OXR1: variants seen among roughly 807,000 people sequenced by gnomAD.
OXR1 encodes the protein oxidation resistance protein 1.
A neutral mutation model predicts 104.6 loss-of-function variants in OXR1; 41 were observed. That is an observed-to-expected ratio of 0.39 (90% CI 0.31 to 0.51). The LOEUF (loss-of-function observed/expected upper bound fraction) is 0.51. Among genes scored for constraint, OXR1 ranks in the 20% least tolerant of loss-of-function variants. The pLI is 0.77. For missense variants in OXR1, 955 were observed against 1,031.9 expected, an observed-to-expected ratio of 0.93 and a Z score of 1.02; for synonymous variants, 348 against 348.4, an observed-to-expected ratio of 1.00 and a Z score of 0.01.
At chr8:106,526,126 TTAAG>T (rs1448075497) in intron 3 of OXR1, among the ~76,000 whole-genome samples, 1 of 152,148 alleles carries the variant, frequency 6.6e-6, no homozygotes, top group East Asian at 1.9e-4. Context: ...ATAAAATAGA[TTAAG>T]TGAGAGAGGT....
chr8:106,411,668 G>A (rs893854182), intron 2 of OXR1, among the ~76,000 whole-genome samples: 11 of 152,140 alleles, frequency 7.2e-5, no homozygotes, highest in African/African-American at 2.7e-4. Context: ...GTGATGATAA[G>A]GCCTTGCCTT....
intron 3 of OXR1, among the ~76,000 whole-genome samples, chr8:106,615,970 G>C (rs373448925): frequency 2.6e-5 from 4 of 151,430 alleles, no homozygotes; most frequent in African/African-American, 9.7e-5. Context: ...TCCAGGACTG[G>C]AATAAGCCAT....
At chr8:106,726,051 C>A in intron 11 of OXR1, 1 of 764,200 alleles carries the variant, frequency 1.3e-6, no homozygotes, top group Non-Finnish European at 1.9e-6. Context: ...AGCCTCCACT[C>A]AGGACTATCA....
chr8:106,688,875 G>A (rs1036622965), intron 6 of OXR1, among the ~76,000 whole-genome samples: 11 of 152,070 alleles, frequency 7.2e-5, no homozygotes, highest in African/African-American at 2.4e-4. Context: ...CTACTAGCAA[G>A]TGCAGGTACT....
chr8:106,541,711 A>T (rs1008786041), intron 3 of OXR1, among the ~76,000 whole-genome samples: 2 of 152,172 alleles, frequency 1.3e-5, no homozygotes, highest in Admixed American at 6.6e-5. Context: ...GTGATTAGCT[A>T]TGGAAACAGT....
chr8:106,333,766 A>C (rs1379497879), intron 1 of OXR1, among the ~76,000 whole-genome samples: 1 of 152,080 alleles, frequency 6.6e-6, no homozygotes, highest in Non-Finnish European at 1.5e-5. Flanking sequence ...AATTCAATTG[A>C]CCATGGATAT....
intron 2 of OXR1, among the ~76,000 whole-genome samples, chr8:106,484,155 G>GCA (rs1822304849): frequency 6.6e-6 from 1 of 151,690 alleles, no homozygotes; most frequent in Non-Finnish European, 1.5e-5. Context: ...AAGACTGGGA[G>GCA]AAAATATTTG....
intron 7 of OXR1, chr8:106,697,663 C>G: frequency 6.2e-7 from 1 of 1,614,058 alleles, no homozygotes; most frequent in Non-Finnish European, 8.5e-7. Flanking sequence ...CTTTCCTTCC[C>G]AGAGGTCCAC....
chr8:106,467,660 C>A (rs1364500157), intron 2 of OXR1, among the ~76,000 whole-genome samples: 3 of 151,828 alleles, frequency 2.0e-5, no homozygotes, highest in Non-Finnish European at 4.4e-5. Flanking sequence ...TTGTTCCTGG[C>A]AAATACACTC....
At chr8:106,621,231 C>T (rs746347568) in intron 3 of OXR1, among the ~76,000 whole-genome samples, 4 of 152,096 alleles carry the variant, frequency 2.6e-5, no homozygotes, top group South Asian at 2.1e-4. Flanking sequence ...TACTTAGATT[C>T]CCCACTTCCT....
intron 2 of OXR1, among the ~76,000 whole-genome samples, chr8:106,488,455 T>A (rs555480656): frequency 2.0e-5 from 3 of 151,694 alleles, no homozygotes; most frequent in Non-Finnish European, 4.4e-5. Context: ...ATTTTGTCTT[T>A]TGTTGCCATT....
At chr8:106,419,748 C>T (rs933757832) in intron 2 of OXR1, among the ~76,000 whole-genome samples, 5 of 152,056 alleles carry the variant, frequency 3.3e-5, no homozygotes, top group Non-Finnish European at 5.9e-5. Flanking sequence ...GGATGTTTTT[C>T]TTTGCCAGTC....
At chr8:106,660,005 CCA>C (rs1825596031) in intron 3 of OXR1, among the ~76,000 whole-genome samples, 1 of 152,206 alleles carries the variant, frequency 6.6e-6, no homozygotes, top group Non-Finnish European at 1.5e-5. Context: ...CAAAGTATGA[CCA>C]CAGTCATGTG....
At chr8:106,741,387 A>G (rs1563765243) in intron 14 of OXR1, among the ~76,000 whole-genome samples, 1 of 152,162 alleles carries the variant, frequency 6.6e-6, no homozygotes, top group Non-Finnish European at 1.5e-5. Flanking sequence ...GATGAGAGGA[A>G]GCACAAAGAG....
At chr8:106,729,943 A>G (rs1833721803) in intron 11 of OXR1, 1 of 151,782 alleles carries the variant, frequency 6.6e-6, no homozygotes, top group Admixed American at 6.6e-5. Flanking sequence ...CCACTACCCA[A>G]TATTAGAACT....
At chr8:106,372,579 C>A (rs1374337386) in intron 2 of OXR1, among the ~76,000 whole-genome samples, 2 of 152,112 alleles carry the variant, frequency 1.3e-5, no homozygotes, top group Non-Finnish European at 2.9e-5. Context: ...AAAAATTTTA[C>A]ACCTGACCTT....
At chr8:106,505,643 A>C (rs1812110546) in intron 2 of OXR1, among the ~76,000 whole-genome samples, 1 of 152,208 alleles carries the variant, frequency 6.6e-6, no homozygotes, top group Non-Finnish European at 1.5e-5. Flanking sequence ...GAGACTTAAA[A>C]AATAAGAAGC....
intron 3 of OXR1, among the ~76,000 whole-genome samples, chr8:106,649,277 T>A (rs1353856461): frequency 3.3e-5 from 5 of 151,750 alleles, no homozygotes; most frequent in Non-Finnish European, 7.4e-5. Context: ...GTTTTTTTTT[T>A]AAAGAAACAC....
At chr8:106,576,488 A>G (rs1817848924) in intron 3 of OXR1, among the ~76,000 whole-genome samples, 1 of 148,930 alleles carries the variant, frequency 6.7e-6, no homozygotes, top group Admixed American at 6.7e-5. Flanking sequence ...AAAAAAAAGA[A>G]AACATCAAAT....
Sources: gnomAD v4.1 joint callset for allele counts (sites outside exome capture counted in the v4.1 genomes callset) on GRCh38, gnomAD v4.1.1 for gene constraint, MANE v1.5 for transcripts, NCBI Gene and HGNC (gene_info 2026-07-23, HGNC 2026-07-21) for gene names.